The following STMN1 variants were observed in gnomAD, a reference collection of about 807,000 sequenced individuals.
The protein encoded by STMN1 is stathmin.
In STMN1, 3 loss-of-function variants were observed where a neutral mutation model predicts 19.7. That is an observed-to-expected ratio of 0.15 (90% confidence interval 0.07 to 0.39). The LOEUF is 0.39. STMN1 is among the 10% of genes least tolerant of loss of function. The pLI is 1.00. For synonymous variants in STMN1, 59 were observed against 58.9 expected (o/e 1.00, Z -0.01); for missense variants, 99 against 176.0 (o/e 0.56, Z 2.48).
At chr1:25,896,171 T>C (rs2048816787), downstream of STMN1, among the ~76,000 whole-genome samples, 1 of 152,212 alleles carries the variant, frequency 6.6e-6, no homozygotes, top group South Asian at 2.1e-4. Context: ...TGCTTGCTAG[T>C]TGTCATTTTA....
intron 4 of STMN1, among the ~76,000 whole-genome samples, chr1:25,891,248 T>G (rs769143913): frequency 7.9e-5 from 12 of 151,824 alleles, no homozygotes; most frequent in Non-Finnish European, 1.8e-4. Flanking sequence ...GGATAATTGC[T>G]TGAACCCAGG....
chr1:25,894,509 G>A (rs1572296405), intron 4 of STMN1, among the ~76,000 whole-genome samples: 2 of 152,166 alleles, frequency 1.3e-5, no homozygotes, highest in Admixed American at 6.5e-5. Context: ...GTGAAATCTT[G>A]TCTCTACAAA....
chr1:25,904,651 A>C lies in STMN1; in HGVS notation c.13+13T>G, dbSNP rs1374758766. 6.1e-5 allele frequency: 98 copies of C among 1,612,928 alleles called. No individual in the cohort carries two copies. Among genetic ancestry groups the C allele is most frequent in the Non-Finnish European group, 8.1e-5 (95 of 1,179,202 alleles). On this transcript the variant is annotated intron_variant, in intron 2 of 4. Coordinates refer to ENST00000455785, the MANE Select transcript of STMN1 (RefSeq NM_005563.4). ...CCCATTACAATTTCAGATTTTCCAA[A>C]TAGATTACCTACCAGAAGAAGCCAT...
chr1:25,905,497 G>T lies in STMN1; in HGVS notation c.-62-759C>A, dbSNP rs556799047. The T allele has an allele frequency of 2.0e-5, 3 of 152,320 alleles. No homozygotes were observed. In the South Asian group the frequency reaches 6.2e-4, roughly 32 times the overall value. 9.4% of individuals were successfully genotyped at this position (152,320 alleles called of 1,614,324 possible). On this transcript the variant is annotated intron_variant, in intron 1 of 4. Transcript: ENST00000455785. ...CCCAGGATGGGCGTGGCCCTGGTCCGGGCGAGGAAAAGAGGACCGGTCGCC... is the reference window on the plus strand; with the variant it reads ...CCCAGGATGGGCGTGGCCCTGGTCCTGGCGAGGAAAAGAGGACCGGTCGCC...
At chr1:25,885,067 A>T (rs1316855638), downstream of STMN1, 1 of 153,816 alleles carries the variant, frequency 6.5e-6, no homozygotes, top group Non-Finnish European at 1.5e-5. Context: ...GGCTGGTGCC[A>T]TGAAGGAGGA....
At position 25,900,356 on chromosome 1, in the gene STMN1, G is replaced by GCTGAC; in HGVS notation, c.*655_*659dup. On this transcript the variant is annotated 3_prime_UTR_variant, in exon 5 of 5. Transcript: ENST00000455785. The stretch of plus-strand genomic sequence containing the variant: ...AATAAACATCTGAAAGAAAGTAACA[G>GCTGAC]CTGACCTGGGCTGAGGCATCCAAAC... 1.0e-6 allele frequency: 1 copy of GCTGAC among 985,822 alleles called. No homozygotes were observed. Among genetic ancestry groups the GCTGAC allele is most frequent in the Non-Finnish European group, 1.2e-6 (1 of 829,926 alleles). The allele number at this position is 985,822 out of a possible 1,614,324, so 61.1% of individuals were successfully genotyped here.
downstream of STMN1, among the ~76,000 whole-genome samples, chr1:25,896,327 G>A (rs1480642598): frequency 6.6e-6 from 1 of 152,190 alleles, no homozygotes; most frequent in African/African-American, 2.4e-5. Flanking sequence ...GTGAGAGCAG[G>A]GAAGAGGGGA....
At chr1:25,896,727 C>A (rs1446172505), downstream of STMN1, among the ~76,000 whole-genome samples, 1 of 152,206 alleles carries the variant, frequency 6.6e-6, no homozygotes, top group African/African-American at 2.4e-5. Flanking sequence ...AGTCAGAAAC[C>A]CTTTCCTACG....
rs549835343 is a variant in STMN1, at chr1:25,901,802, G to A, written c.187-120C>T. ...AGGTGGGTGGATCATTTGAGGTCAGGAGTTCAAGACCAGCCTGGCCAACAT... is the reference window on the plus strand; with the variant it reads ...AGGTGGGTGGATCATTTGAGGTCAGAAGTTCAAGACCAGCCTGGCCAACAT... On this transcript the variant is annotated intron_variant, in intron 3 of 4. Coordinates refer to ENST00000455785, the MANE Select transcript of STMN1 (RefSeq NM_005563.4). 6.3e-6 allele frequency: 6 copies of A among 946,970 alleles called. No individual in the cohort carries two copies. In the East Asian group the frequency reaches 1.4e-4, roughly 22 times the overall value. The allele number at this position is 946,970 out of a possible 1,614,324, so 58.7% of individuals were successfully genotyped here.
chr1:25,897,044 G>A (rs2048823519), downstream of STMN1, among the ~76,000 whole-genome samples: 1 of 152,210 alleles, frequency 6.6e-6, no homozygotes, highest in South Asian at 2.1e-4. Context: ...GCCAGGCGCG[G>A]TGGCTCATGC....
chr1:25,892,990 T>C (rs1243167235), intron 4 of STMN1, among the ~76,000 whole-genome samples: 2 of 152,258 alleles, frequency 1.3e-5, no homozygotes, highest in African/African-American at 2.4e-5. Flanking sequence ...GCTAACTTAA[T>C]ACTTCTGTAA....
chr1:25,901,443 G>A (rs765543645), intron 4 of STMN1, 48 bp downstream of exon 4: 1 of 1,549,930 alleles, frequency 6.5e-7, no homozygotes, highest in Non-Finnish European at 8.7e-7. Context: ...CCAACTCATT[G>A]GTGCATCAAA....
intron 4 of STMN1, among the ~76,000 whole-genome samples, chr1:25,892,334 A>G (rs971707468): frequency 1.3e-5 from 2 of 149,318 alleles, no homozygotes; most frequent in African/African-American, 4.9e-5. Flanking sequence ...GGTTGCAGTG[A>G]GCCGAGATTG....
intron 4 of STMN1, chr1:25,892,501 C>A (rs1409940700): frequency 1.4e-5 from 14 of 983,780 alleles, no homozygotes; most frequent in Non-Finnish European, 1.6e-5. Flanking sequence ...TGAACCAGTT[C>A]TTTCTCTCTT....
intron 4 of STMN1, among the ~76,000 whole-genome samples, chr1:25,890,257 G>A (rs770826384): frequency 3.3e-5 from 5 of 152,172 alleles, no homozygotes; most frequent in Admixed American, 6.5e-5. Flanking sequence ...AGGTATGTCC[G>A]AAACTGGACT....
At chr1:25,892,759 C>G (rs1384727591) in intron 4 of STMN1, among the ~76,000 whole-genome samples, 4 of 152,176 alleles carry the variant, frequency 2.6e-5, no homozygotes, top group Admixed American at 6.5e-5. Context: ...GCTGGCCTCC[C>G]TTCAAGGGTG....
chr1:25,902,447 G>C (rs2048886924), intron 3 of STMN1: 1 of 152,204 alleles, frequency 6.6e-6, no homozygotes, highest in African/African-American at 2.4e-5. Flanking sequence ...AGAAAAATTT[G>C]TTTCAAGGAA....
exon 5 of STMN1, chr1:25,885,808 C>T (rs1195243804): frequency 1.3e-6 from 2 of 1,551,726 alleles, no homozygotes; most frequent in Non-Finnish European, 1.7e-6. Context: ...AGAGTGGAGA[C>T]AAGATTGCTC....
At chr1:25,886,899 T>G (rs1033694804) in intron 4 of STMN1, among the ~76,000 whole-genome samples, 6 of 152,022 alleles carry the variant, frequency 3.9e-5, no homozygotes, top group Non-Finnish European at 8.8e-5. Flanking sequence ...CTGCTTTTAT[T>G]TATCTGCTCA....
Sources: gnomAD v4.1 joint callset for allele counts (sites outside exome capture counted in the v4.1 genomes callset) on GRCh38, gnomAD v4.1.1 for gene constraint, MANE v1.5 for transcripts, NCBI Gene and HGNC (gene_info 2026-07-23, HGNC 2026-07-21) for gene names.